The following PRKCZ variants were observed in gnomAD, a reference collection of about 807,000 sequenced individuals.
PRKCZ encodes the protein protein kinase C zeta.
In PRKCZ, 33 loss-of-function variants were observed where a neutral mutation model predicts 79.5. The observed-to-expected ratio is 0.41, with a 90% CI of 0.31 to 0.55. The LOEUF (loss-of-function observed/expected upper bound fraction) is 0.55. Among genes scored for constraint, PRKCZ ranks in the 20% least tolerant of loss-of-function variants. PRKCZ has a pLI of 0.19. For synonymous variants in PRKCZ, 342 were observed against 320.9 expected, an observed-to-expected ratio of 1.07 and a Z score of -0.70; for missense variants, 578 against 813.5, an observed-to-expected ratio of 0.71 and a Z score of 3.52.
intron 2 of PRKCZ, chr1:2,055,764 G>T: frequency 2.7e-6 from 2 of 738,018 alleles, no homozygotes; most frequent in Non-Finnish European, 4.2e-6. Context: ...GGGCCCAGAT[G>T]CCCCTAGGAA....
At chr1:2,150,545 C>T (rs777418975) in intron 8 of PRKCZ, among the ~76,000 whole-genome samples, 2 of 152,208 alleles carry the variant, frequency 1.3e-5, no homozygotes, top group Non-Finnish European at 2.9e-5. Context: ...GTCTGTGGAA[C>T]GAACAGCTTC....
intron 7 of PRKCZ, among the ~76,000 whole-genome samples, chr1:2,147,627 T>C (rs1433830871): frequency 6.6e-6 from 1 of 151,256 alleles, no homozygotes; most frequent in Non-Finnish European, 1.5e-5. Context: ...TATTGTCCAC[T>C]GACCTCTCCA....
intron 5 of PRKCZ, 140 bp downstream of exon 5, chr1:2,135,487 T>G: frequency 1.3e-6 from 1 of 761,266 alleles, no homozygotes; most frequent in Non-Finnish European, 2.1e-6. Flanking sequence ...AGAAATGCTT[T>G]CTCTGGTGCA....
intron 4 of PRKCZ, among the ~76,000 whole-genome samples, chr1:2,105,680 G>A (rs914252845): frequency 3.3e-5 from 5 of 152,278 alleles, no homozygotes; most frequent in Middle Eastern, 3.4e-3. Context: ...GATTACAGGC[G>A]TGAGCTGCCA....
At chr1:2,112,837 T>C (rs945106913) in intron 4 of PRKCZ, among the ~76,000 whole-genome samples, 1 of 152,280 alleles carries the variant, frequency 6.6e-6, no homozygotes, top group Admixed American at 6.5e-5. Flanking sequence ...CTACAGGAGC[T>C]CGCCACCATG....
intron 4 of PRKCZ, among the ~76,000 whole-genome samples, chr1:2,100,594 G>T (rs549177346): frequency 3.3e-5 from 5 of 152,348 alleles, no homozygotes; most frequent in South Asian, 4.1e-4. Flanking sequence ...AGTGGAGCCC[G>T]TCTGTTCCTT....
chr1:2,120,883 G>A (rs1453838398), intron 4 of PRKCZ, among the ~76,000 whole-genome samples: 7 of 143,988 alleles, frequency 4.9e-5, no homozygotes, highest in South Asian at 2.2e-4. Flanking sequence ...GCACGCTCTC[G>A]GCTCACTGCA....
At chr1:2,159,323 C>T (rs1369397780) in intron 10 of PRKCZ, among the ~76,000 whole-genome samples, 1 of 152,280 alleles carries the variant, frequency 6.6e-6, no homozygotes, top group Admixed American at 6.5e-5. Context: ...GCCGCCTCTG[C>T]TCCCTGGTCA....
chr1:2,130,138 T>G (rs1674676175), intron 4 of PRKCZ, among the ~76,000 whole-genome samples: 4 of 152,178 alleles, frequency 2.6e-5, no homozygotes, highest in Non-Finnish European at 5.9e-5. Flanking sequence ...ATTCCTGGGC[T>G]CAAGTGATCC....
chr1:2,103,287 G>T (rs1171364412), intron 4 of PRKCZ, among the ~76,000 whole-genome samples: 1 of 152,246 alleles, frequency 6.6e-6, no homozygotes, highest in Non-Finnish European at 1.5e-5. Context: ...GCAAGTCGTA[G>T]CCCCAGTGAC....
At chr1:2,062,547 A>G (rs1660784902) in intron 4 of PRKCZ, among the ~76,000 whole-genome samples, 1 of 146,394 alleles carries the variant, frequency 6.8e-6, no homozygotes, top group Non-Finnish European at 1.5e-5. Context: ...GCTGGAGTGC[A>G]TGGTACAATC....
Position 2,149,064 on chromosome 1 carries a change from T to C in PRKCZ, c.687+140T>C, listed in dbSNP as rs370755567. ...GCTAACTAATCTTCACGGGTGTGGA[T>C]GTCTAGAAGGAAGTCCTTATTCTTG... On this transcript the variant is annotated intron_variant, in intron 8 of 17. Coordinates refer to ENST00000378567, the MANE Select transcript of PRKCZ (RefSeq NM_002744.6). The surrounding 1 kb of genome is among the most constrained non-coding windows in gnomAD (Gnocchi z 4.1). 4 of 903,608 alleles carry C rather than the reference T, an allele frequency of 4.4e-6. No individual in the cohort carries two copies. The highest frequency in any genetic ancestry group is 1.7e-5 in the African/African-American group (1 of 59,982). The allele number at this position is 903,608 out of a possible 1,614,324, so 56.0% of individuals were successfully genotyped here. A position where few individuals can be genotyped will look rare whatever the true frequency, so the allele number is the denominator to read the frequency against.
intron 4 of PRKCZ, among the ~76,000 whole-genome samples, chr1:2,099,488 G>A (rs1316272569): frequency 7.0e-6 from 1 of 143,624 alleles, no homozygotes; most frequent in Non-Finnish European, 1.5e-5. Context: ...TGCCAGGAAG[G>A]AGCCCCTTCA....
At chr1:2,062,672 G>C (rs1660794750) in intron 4 of PRKCZ, among the ~76,000 whole-genome samples, 3 of 151,622 alleles carry the variant, frequency 2.0e-5, no homozygotes, top group Non-Finnish European at 2.9e-5. Context: ...TCTTTTTGTA[G>C]AGTTGGGGTT....
At chr1:2,181,712 C>A in intron 16 of PRKCZ, 1 of 416,264 alleles carries the variant, frequency 2.4e-6, no homozygotes, top group Non-Finnish European at 4.9e-6. Flanking sequence ...CCTGGGCCAG[C>A]TCCAGCTGGG....
intron 10 of PRKCZ, among the ~76,000 whole-genome samples, chr1:2,159,289 G>A (rs1375857925): frequency 6.6e-6 from 1 of 152,400 alleles, no homozygotes; most frequent in East Asian, 1.9e-4. Flanking sequence ...GTCTGGCCTG[G>A]CCCAGGTGGG....
intron 4 of PRKCZ, among the ~76,000 whole-genome samples, chr1:2,102,216 G>A (rs899352023): frequency 2.0e-5 from 3 of 152,144 alleles, no homozygotes. Flanking sequence ...GTTCAGCCCT[G>A]TGTCCTGCCC....
chr1:2,049,576 G>C (rs1385423105), upstream of PRKCZ: 1 of 152,556 alleles, frequency 6.6e-6, no homozygotes, highest in African/African-American at 2.4e-5. Context: ...GCCGAGGCCA[G>C]GAACTGGGTC....
chr1:2,138,865 C>T (rs569790798), intron 5 of PRKCZ, among the ~76,000 whole-genome samples: 15 of 152,152 alleles, frequency 9.9e-5, no homozygotes, highest in African/African-American at 3.1e-4. Context: ...ACCCAGGAGG[C>T]GGGGGTTGCG....
Sources: gnomAD v4.1 joint callset for allele counts (sites outside exome capture counted in the v4.1 genomes callset) on GRCh38, gnomAD v4.1.1 for gene constraint, Gnocchi (gnomAD v3.1) non-coding constraint, MANE v1.5 for transcripts, NCBI Gene and HGNC (gene_info 2026-07-23, HGNC 2026-07-21) for gene names.